The following WASL variants were observed in gnomAD, a reference collection of about 807,000 sequenced individuals.
WASL encodes the protein actin nucleation-promoting factor WASL.
In WASL, 20 loss-of-function variants were observed where a neutral mutation model predicts 55.5. The ratio of observed to expected loss-of-function variants is 0.36; its 90% CI spans 0.25 to 0.52. The LOEUF (loss-of-function observed/expected upper bound fraction) is 0.52. WASL is among the 20% of genes least tolerant of loss of function. The pLI, the probability that WASL is intolerant of heterozygous loss-of-function variation, is 0.92. For synonymous variants in WASL, 249 were observed against 217.6 expected (o/e 1.14, Z -1.27); for missense variants, 504 against 622.5 (o/e 0.81, Z 2.03).
chr7:123,688,799 C>T (rs991888824), intron 10 of WASL, among the ~76,000 whole-genome samples: 2 of 152,156 alleles, frequency 1.3e-5, no homozygotes, highest in African/African-American at 2.4e-5. Context: ...CAAAGCTGTT[C>T]TTTCAATTTA....
intron 9 of WASL, among the ~76,000 whole-genome samples, chr7:123,691,086 G>A (rs1167511340): frequency 6.6e-6 from 1 of 152,168 alleles, no homozygotes; most frequent in Non-Finnish European, 1.5e-5. Context: ...TTAGATCTAT[G>A]CTAATGTTTA....
chr7:123,691,972 A>G (rs1013596423), intron 9 of WASL, among the ~76,000 whole-genome samples: 1 of 152,236 alleles, frequency 6.6e-6, no homozygotes, highest in African/African-American at 2.4e-5. Context: ...GTCTAGAACA[A>G]TGAATTGCAA....
intron 1 of WASL, among the ~76,000 whole-genome samples, chr7:123,734,134 G>C (rs904374362): frequency 7.9e-5 from 12 of 152,046 alleles, no homozygotes; most frequent in African/African-American, 2.7e-4. Context: ...TGATGAACTG[G>C]ATGGACTTCA....
intron 1 of WASL, among the ~76,000 whole-genome samples, chr7:123,731,264 A>T (rs1180684061): frequency 1.3e-5 from 2 of 152,210 alleles, no homozygotes; most frequent in Non-Finnish European, 2.9e-5. Flanking sequence ...AAAAGACATA[A>T]CAATCTGTAA....
intron 4 of WASL, among the ~76,000 whole-genome samples, chr7:123,705,749 T>C (rs1803658922): frequency 6.6e-6 from 1 of 152,170 alleles, no homozygotes; most frequent in Admixed American, 6.5e-5. Context: ...TAAACTAAGT[T>C]CCTTATGGGT....
intron 1 of WASL, among the ~76,000 whole-genome samples, chr7:123,746,228 G>A (rs1804428989): frequency 1.3e-5 from 2 of 152,174 alleles, no homozygotes; most frequent in Admixed American, 1.3e-4. Flanking sequence ...GCTCCCTGAG[G>A]ACAAGTATCA....
chr7:123,706,901 A>C (rs981134524), intron 2 of WASL, 75 bp from the exon 3 acceptor site: 33 of 849,658 alleles, frequency 3.9e-5, no homozygotes, highest in Non-Finnish European at 1.4e-5. Context: ...AAGATGACTC[A>C]TATTAAGAAA....
intron 10 of WASL, among the ~76,000 whole-genome samples, chr7:123,685,271 T>C (rs764195996): frequency 3.7e-4 from 57 of 152,086 alleles, no homozygotes; most frequent in Admixed American, 5.9e-4. Context: ...TGAAATCTGA[T>C]GCTACCTCCC....
At position 123,686,915 on chromosome 7, in the gene WASL, A is replaced by C. The variant is rs528215404; in HGVS notation, c.1456+2127T>G. ...CTTTAAATACCAGGTGTCTATGTAT[A>C]TCCTACTGACATGCAATTTAACAAT... On this transcript the variant is annotated intron_variant, in intron 10 of 10. Coordinates refer to ENST00000223023, the MANE Select transcript of WASL (RefSeq NM_003941.4). Among the ~76,000 whole-genome samples, 4 of 152,284 alleles carry C rather than the reference A, an allele frequency of 2.6e-5. No individual in the cohort carries two copies. In the South Asian group the frequency reaches 8.3e-4, roughly 32 times the overall value.
chr7:123,707,749 G>A (rs1036711121), intron 2 of WASL, among the ~76,000 whole-genome samples: 1 of 152,102 alleles, frequency 6.6e-6, no homozygotes, highest in African/African-American at 2.4e-5. Context: ...AAAGCACTTG[G>A]GGGTTTCTTT....
intron 1 of WASL, 139 bp from the exon 2 acceptor site, chr7:123,709,362 A>G (rs1420488087): frequency 1.7e-6 from 1 of 583,878 alleles, no homozygotes; most frequent in Non-Finnish European, 2.7e-6. Context: ...AATAATAAAC[A>G]TGTATTGTTA....
intron 1 of WASL, among the ~76,000 whole-genome samples, chr7:123,713,306 C>T (rs1035663108): frequency 6.6e-6 from 1 of 152,032 alleles, no homozygotes; most frequent in Non-Finnish European, 1.5e-5. Flanking sequence ...GCACACACCA[C>T]TATGACGGGC....
intron 7 of WASL, among the ~76,000 whole-genome samples, 200 bp downstream of exon 7, chr7:123,695,623 C>A (rs1479367494): frequency 1.3e-5 from 2 of 151,992 alleles, no homozygotes; most frequent in Non-Finnish European, 2.9e-5. Flanking sequence ...GTACACAAAA[C>A]CTTAGTCTAA....
At position 123,692,558 on chromosome 7, in the gene WASL, G is replaced by A; in HGVS notation, c.1136C>T (p.Pro379Leu). 1 of 1,613,764 alleles carries A rather than the reference G, an allele frequency of 6.2e-7. No homozygotes were observed. The highest frequency in any genetic ancestry group is 8.5e-7 in the Non-Finnish European group (1 of 1,179,788). ...GGGCGGTGGCCCAGGAGGAGGTGGAGGTGGAGGCGGTGGGGGTGGTGCCAC... is the reference window on the plus strand; with the variant it reads ...GGGCGGTGGCCCAGGAGGAGGTGGAAGTGGAGGCGGTGGGGGTGGTGCCAC... ...GPVAPPPPPP[P>L]PPPPGPPPPP... Residue 379 changes from proline (P) to leucine (L), a missense_variant, in exon 9 of 11, where the codon CCT becomes CTT. Pro to Leu is a moderately conservative substitution (Grantham distance 98). Coordinates refer to ENST00000223023, the MANE Select transcript of WASL (RefSeq NM_003941.4).
At chr7:123,735,369 C>A (rs1804208019) in intron 1 of WASL, among the ~76,000 whole-genome samples, 1 of 133,790 alleles carries the variant, frequency 7.5e-6, no homozygotes. Context: ...TCAAAAGTTG[C>A]CAAAAATGCA....
In WASL at chr7:123,683,026, A is replaced by C. The variant is rs2116758371; in HGVS notation, c.*1493T>G. On this transcript the variant is annotated 3_prime_UTR_variant, in exon 11 of 11. Coordinates refer to ENST00000223023, the MANE Select transcript of WASL (RefSeq NM_003941.4). ...TAGAGATTATGTAATAAATGGTTAAAATTCAAGCCACATCTTGCAGGTCCA... is the reference window on the plus strand; with the variant it reads ...TAGAGATTATGTAATAAATGGTTAACATTCAAGCCACATCTTGCAGGTCCA... 1 of 152,234 alleles carries C rather than the reference A, an allele frequency of 6.6e-6. No homozygotes were observed. The highest frequency in any genetic ancestry group is 1.9e-4 in the East Asian group (1 of 5,182). The allele number at this position is 152,234 out of a possible 1,614,324, so 9.4% of individuals were successfully genotyped here. A position where few individuals can be genotyped will look rare whatever the true frequency, so the allele number is the denominator to read the frequency against.
At chr7:123,688,818 G>A (rs1262862452) in intron 10 of WASL, among the ~76,000 whole-genome samples, 3 of 152,142 alleles carry the variant, frequency 2.0e-5, no homozygotes, top group Admixed American at 1.3e-4. Flanking sequence ...TATGGCTATG[G>A]CTGTGGTGGT....
At chr7:123,725,151 A>G (rs553551121) in intron 1 of WASL, among the ~76,000 whole-genome samples, 2 of 152,358 alleles carry the variant, frequency 1.3e-5, no homozygotes, top group African/African-American at 4.8e-5. Context: ...AGAAGCACGA[A>G]ATAATTTTCA....
intron 1 of WASL, among the ~76,000 whole-genome samples, chr7:123,736,353 G>A (rs1804227620): frequency 6.6e-6 from 1 of 152,122 alleles, no homozygotes; most frequent in African/African-American, 2.4e-5. Flanking sequence ...TTAGACAGAT[G>A]AATTAAGGGT....
Sources: allele counts gnomAD v4.1 joint callset (sites outside exome capture counted in the v4.1 genomes callset), GRCh38; gene constraint gnomAD v4.1.1; transcripts MANE v1.5; gene names NCBI Gene and HGNC (gene_info 2026-07-23, HGNC 2026-07-21).